Variants in STON2 observed in about 807,000 individuals in gnomAD.
The protein encoded by STON2 is stonin 2.
A neutral mutation model predicts 65.7 loss-of-function variants in STON2; 29 were observed. The observed-to-expected ratio is 0.44, with a 90% CI of 0.33 to 0.60. The LOEUF is 0.60. Ranked by LOEUF, STON2 falls within the 20% of genes least tolerant of loss-of-function variation. STON2 has a pLI of 0.03. For missense variants in STON2, 1,054 were observed against 1,118.1 expected (o/e 0.94, Z 0.82); for synonymous variants, 404 against 414.2 (o/e 0.98, Z 0.30).
intron 5 of STON2, among the ~76,000 whole-genome samples, chr14:81,294,118 T>C (rs1895669874): frequency 6.6e-6 from 1 of 152,212 alleles, no homozygotes; most frequent in Non-Finnish European, 1.5e-5. Flanking sequence ...GATGAAAAGA[T>C]CCTTGCAGCA....
At chr14:81,431,143 A>C (rs1902208855) in intron 1 of STON2, among the ~76,000 whole-genome samples, 2 of 152,322 alleles carry the variant, frequency 1.3e-5, no homozygotes, top group South Asian at 4.1e-4. Context: ...CCTCCAGGAC[A>C]GAGGTTATAG....
In STON2 at chr14:81,277,180, T is replaced by C. The variant is rs771879107; in HGVS notation, c.2302A>G (p.Thr768Ala). The C allele has an allele frequency of 6.2e-7, 1 of 1,614,210 alleles. No individual in the cohort carries two copies. The highest frequency in any genetic ancestry group is 1.1e-5 in the South Asian group (1 of 91,090). The change falls in exon 6 of 8, where the codon ACT becomes GCT. Residue 768 changes from threonine to alanine, a missense_variant. Coordinates refer to ENST00000614646, the MANE Select transcript of STON2 (RefSeq NM_001394390.1). Reference protein sequence around the residue: ...VEVQSWLRMSTGFSANRDPLT... With the variant: ...VEVQSWLRMSAGFSANRDPLT... ...GGGTCACGATTGGCGGAGAAGCCAG[T>C]TGACATCCTCAGCCAGCTCTGCACC...
In STON2 at chr14:81,265,191, C is replaced by A. The variant is rs1894309061; in HGVS notation, c.*3223G>T. ...GGTTATTACATAGCTAATTTGCCCA[C>A]TTGTATTTTCTTTAGAAGTTATTTA... On this transcript the variant is annotated 3_prime_UTR_variant, in exon 8 of 8. Transcript: ENST00000614646. The A allele has an allele frequency of 1.0e-6, 1 of 984,710 alleles. No individual in the cohort carries two copies. The allele number at this position is 984,710 out of a possible 1,614,324, so 61.0% of individuals were successfully genotyped here. A position where few individuals can be genotyped will look rare whatever the true frequency, so the allele number is the denominator to read the frequency against.
chr14:81,408,445 G>A (rs1453002201), intron 2 of STON2, among the ~76,000 whole-genome samples: 5 of 152,150 alleles, frequency 3.3e-5, no homozygotes, highest in Non-Finnish European at 7.4e-5. Context: ...ATCTATCTAT[G>A]ATTCTCCATA....
intron 2 of STON2, among the ~76,000 whole-genome samples, chr14:81,420,374 T>G (rs908443081): frequency 5.3e-5 from 8 of 152,250 alleles, no homozygotes; most frequent in Non-Finnish European, 8.8e-5. Context: ...TTTATGCTCA[T>G]GGAGCATCTG....
chr14:81,349,786 T>C (rs576344492), intron 4 of STON2, among the ~76,000 whole-genome samples: 2 of 152,276 alleles, frequency 1.3e-5, no homozygotes, highest in South Asian at 2.1e-4. Context: ...CCCATGTTTA[T>C]TGTATCACTA....
At chr14:81,348,154 A>T (rs1897891052) in intron 4 of STON2, among the ~76,000 whole-genome samples, 1 of 152,128 alleles carries the variant, frequency 6.6e-6, no homozygotes, top group Non-Finnish European at 1.5e-5. Context: ...TGACAAACCC[A>T]CAGCTAAGAA....
chr14:81,417,252 G>A (rs1480012565), intron 2 of STON2, among the ~76,000 whole-genome samples: 1 of 152,096 alleles, frequency 6.6e-6, no homozygotes, highest in African/African-American at 2.4e-5. Context: ...CTTATCTGAC[G>A]CTGCCCCTAG....
intron 2 of STON2, among the ~76,000 whole-genome samples, chr14:81,420,650 G>A (rs548880371): frequency 1.3e-5 from 2 of 152,270 alleles, no homozygotes; most frequent in South Asian, 4.1e-4. Flanking sequence ...AAGAATAACA[G>A]GGAAGGTAAC....
At chr14:81,333,555 A>G (rs1897278970) in intron 4 of STON2, among the ~76,000 whole-genome samples, 1 of 152,238 alleles carries the variant, frequency 6.6e-6, no homozygotes, top group Non-Finnish European at 1.5e-5. Context: ...GGAAGCCAGT[A>G]TTCCAACCAG....
chr14:81,425,978 C>T (rs1277928347), intron 2 of STON2, among the ~76,000 whole-genome samples: 1 of 152,154 alleles, frequency 6.6e-6, no homozygotes, highest in East Asian at 1.9e-4. Flanking sequence ...GGGATTTAAA[C>T]ACATGTGACT....
chr14:81,407,896 C>A (rs967662190), intron 2 of STON2, among the ~76,000 whole-genome samples: 1 of 152,158 alleles, frequency 6.6e-6, no homozygotes, highest in Non-Finnish European at 1.5e-5. Flanking sequence ...ACACTGATAT[C>A]TGTGTCACAG....
In STON2 at chr14:81,324,110, G is replaced by A. The variant is rs191667687; in HGVS notation, c.649C>T (p.Arg217Cys). Among the ~76,000 whole-genome samples the A allele has an allele frequency of 3.2e-4, 49 of 152,304 alleles. No individual in the cohort carries two copies. Among genetic ancestry groups the A allele is most frequent in the South Asian group, 4.1e-4 (2 of 4,820 alleles). Residue 217 changes from arginine to cysteine, a missense_variant, in exon 5 of 8, where the codon CGC (arginine) becomes TGC (cysteine). Physicochemically the swap from Arg to Cys is radical, Grantham distance 180. Transcript: ENST00000614646. Reference sequence around the variant, plus strand: ...GGCGAGGGGTCCAGGCGGTGGGTGCGGGTGGAGGTATGCTCCGAGCATGCT... The same window carrying A: ...GGCGAGGGGTCCAGGCGGTGGGTGCAGGTGGAGGTATGCTCCGAGCATGCT... ...VQACSEHTST[R>C]THRLDPSPPS...
intron 4 of STON2, among the ~76,000 whole-genome samples, chr14:81,367,807 G>A (rs576290633): frequency 6.7e-6 from 1 of 150,322 alleles, no homozygotes; most frequent in East Asian, 2.0e-4. Context: ...GGGCCTGGAG[G>A]GCAGATGGAG....
chr14:81,294,997 G>T (rs548903005), intron 5 of STON2, among the ~76,000 whole-genome samples: 1 of 152,180 alleles, frequency 6.6e-6, no homozygotes. Flanking sequence ...TGTTTAAGTG[G>T]GTGCCGGGTG....
At chr14:81,371,290 A>C in intron 3 of STON2, 105 bp from the exon 4 acceptor site, 520 of 1,070,284 alleles carry the variant, frequency 4.9e-4, no homozygotes, top group Non-Finnish European at 6.5e-4. Context: ...ATGAAATCTC[A>C]ACAGTCATAT....
Position 81,268,585 on chromosome 14 carries a change from T to C in STON2, c.2785-88A>G, listed in dbSNP as rs1340904350. 3.9e-6 allele frequency: 5 copies of C among 1,267,440 alleles called. No individual in the cohort carries two copies. In the African/African-American group the frequency reaches 6.2e-5, roughly 16 times the overall value. 78.5% of individuals were successfully genotyped at this position (1,267,440 alleles called of 1,614,324 possible). A position where few individuals can be genotyped will look rare whatever the true frequency, so the allele number is the denominator to read the frequency against. ...AGTAAACCAAAACTCCATAGGTACT[T>C]TGAAATTTCTTATAATTTTGCTAAC... On this transcript the variant is annotated intron_variant, in intron 7 of 7. Coordinates refer to ENST00000614646, the MANE Select transcript of STON2 (RefSeq NM_001394390.1).
rs1894359402 is a variant in STON2 at position 81,266,380 on chromosome 14, A to C, written c.*2034T>G. On this transcript the variant is annotated 3_prime_UTR_variant, in exon 8 of 8. Transcript: ENST00000614646. ...TTTTTGCCCTTTGAAGCTACACAGA[A>C]TAAATCTAATTCCTCTTCCTTTTCA... Among the ~76,000 whole-genome samples the C allele has an allele frequency of 6.6e-6, 1 of 152,230 alleles. No homozygotes were observed. Among genetic ancestry groups the C allele is most frequent in the Admixed American group, 6.5e-5 (1 of 15,292 alleles).
chr14:81,412,887 C>A, intron 2 of STON2: 1 of 567,640 alleles, frequency 1.8e-6, no homozygotes, highest in South Asian at 2.5e-5. Context: ...GCTTCCATAG[C>A]GATGGCAGCT....
Sources: allele counts gnomAD v4.1 joint callset (sites outside exome capture counted in the v4.1 genomes callset), GRCh38; gene constraint gnomAD v4.1.1; transcripts MANE v1.5; gene names NCBI Gene and HGNC (gene_info 2026-07-23, HGNC 2026-07-21).